The following CACNA2D2 variants were observed in gnomAD, a reference collection of about 807,000 sequenced individuals.
The protein encoded by CACNA2D2 is voltage-dependent calcium channel subunit alpha-2/delta-2.
CACNA2D2 carries 48 observed loss-of-function variants against 166.4 expected under a neutral mutation model. The ratio of observed to expected loss-of-function variants is 0.29; its 90% CI spans 0.23 to 0.37. CACNA2D2 has a LOEUF of 0.37. Ranked by LOEUF, CACNA2D2 falls within the 10% of genes least tolerant of loss-of-function variation. The pLI, the probability that CACNA2D2 is intolerant of heterozygous loss-of-function variation, is 1.00. For missense variants in CACNA2D2, 1,122 were observed against 1,433.0 expected (o/e 0.78, Z 3.50); for synonymous variants, 561 against 573.7 (o/e 0.98, Z 0.32).
At chr3:50,408,450 G>A (rs1370552017) in intron 3 of CACNA2D2, among the ~76,000 whole-genome samples, 1 of 152,186 alleles carries the variant, frequency 6.6e-6, no homozygotes, top group African/African-American at 2.4e-5. Context: ...CCCAGGCAGA[G>A]GTGACAGGCA....
chr3:50,503,035 C>T (rs1488817092), intron 1 of CACNA2D2, among the ~76,000 whole-genome samples, 183 bp downstream of exon 1: 1 of 152,170 alleles, frequency 6.6e-6, no homozygotes, highest in Non-Finnish European at 1.5e-5. Context: ...CGCGACGCAG[C>T]CAGAGCGCCG....
At chr3:50,385,413 G>A (rs1705546230) in intron 5 of CACNA2D2, among the ~76,000 whole-genome samples, 1 of 152,016 alleles carries the variant, frequency 6.6e-6, no homozygotes, top group African/African-American at 2.4e-5. Context: ...TCCCCCATGG[G>A]TCCACGTGGG....
intron 3 of CACNA2D2, among the ~76,000 whole-genome samples, chr3:50,412,986 T>C (rs756173030): frequency 6.6e-6 from 1 of 151,908 alleles, no homozygotes; most frequent in Non-Finnish European, 1.5e-5. Context: ...AGAGGCCGAG[T>C]CTCCATCTTC....
chr3:50,368,168 T>C lies in CACNA2D2; in HGVS notation c.2113A>G (p.Met705Val). 2 of 1,613,100 alleles carry C rather than the reference T, an allele frequency of 1.2e-6. No homozygotes were observed. Among genetic ancestry groups the C allele is most frequent in the South Asian group, 1.1e-5 (1 of 91,066 alleles). ...TEFLKNFIEL[M>V]EKVTPDSKQC... The stretch of plus-strand genomic sequence containing the variant: ...TTGGAGTCTGGAGTCACTTTCTCCA[T>C]GAGCTCAATAAAGTTTTTCAGGAAC... Residue 705 changes from methionine (M) to valine (V), a missense_variant, in exon 24 of 38, where the codon ATG (methionine) becomes GTG (valine). By Grantham distance (21) the Met-to-Val change is conservative. This residue lies in a region of CACNA2D2 where 840 missense variants were observed against 1,166.8 expected (regional missense o/e 0.72). Coordinates refer to ENST00000424201, the MANE Select transcript of CACNA2D2 (RefSeq NM_006030.4).
chr3:50,405,516 CCCTCAT>C (rs1236887440), intron 3 of CACNA2D2, among the ~76,000 whole-genome samples: 1 of 152,186 alleles, frequency 6.6e-6, no homozygotes, highest in Non-Finnish European at 1.5e-5. Context: ...TGCCCAGGCC[CCCTCAT>C]TCCTCGGTGG....
intron 1 of CACNA2D2, among the ~76,000 whole-genome samples, chr3:50,500,198 G>A (rs1354896046): frequency 6.6e-6 from 1 of 152,228 alleles, no homozygotes; most frequent in African/African-American, 2.4e-5. Flanking sequence ...CACGTACTCT[G>A]GTTGTCATTA....
chr3:50,422,996 C>T (rs886454240), intron 3 of CACNA2D2, among the ~76,000 whole-genome samples: 3 of 152,208 alleles, frequency 2.0e-5, no homozygotes, highest in Non-Finnish European at 4.4e-5. Flanking sequence ...CCCCCCAGAC[C>T]CAGGGTAAGC....
intron 3 of CACNA2D2, among the ~76,000 whole-genome samples, chr3:50,425,541 A>G (rs1575667286): frequency 6.6e-6 from 1 of 151,944 alleles, no homozygotes; most frequent in African/African-American, 2.4e-5. Flanking sequence ...CCTCACATGC[A>G]CCTACCCTCC....
chr3:50,377,172 G>A (rs753676965), intron 17 of CACNA2D2, among the ~76,000 whole-genome samples: 1 of 152,224 alleles, frequency 6.6e-6, no homozygotes, highest in South Asian at 2.1e-4. Flanking sequence ...ACATAGCCAT[G>A]CCCATTGTTT....
At chr3:50,447,460 C>A (rs1300661889) in intron 2 of CACNA2D2, among the ~76,000 whole-genome samples, 1 of 152,130 alleles carries the variant, frequency 6.6e-6, no homozygotes, top group African/African-American at 2.4e-5. Context: ...GGCAATGACG[C>A]CAGGAGGACA....
intron 4 of CACNA2D2, among the ~76,000 whole-genome samples, chr3:50,388,992 G>A (rs771727823): frequency 2.6e-5 from 4 of 152,232 alleles, no homozygotes; most frequent in Non-Finnish European, 5.9e-5. Flanking sequence ...CGTGTCTGGC[G>A]CTTTCTTACA....
chr3:50,411,442 C>T (rs1325890497), intron 3 of CACNA2D2, among the ~76,000 whole-genome samples: 3 of 152,198 alleles, frequency 2.0e-5, no homozygotes, highest in Non-Finnish European at 2.9e-5. Context: ...TGTCTCCATG[C>T]TCACTCTCCC....
intron 2 of CACNA2D2, among the ~76,000 whole-genome samples, chr3:50,451,256 C>G (rs9832993): frequency 0.13 from 19,640 of 151,972 alleles, 3,844 homozygotes; most frequent in African/African-American, 0.42. Flanking sequence ...CTCCCGAGTA[C>G]CTGGGATTAC....
intron 2 of CACNA2D2, among the ~76,000 whole-genome samples, chr3:50,463,305 C>CTT (rs1385188648): frequency 1.3e-4 from 19 of 145,862 alleles, no homozygotes; most frequent in Non-Finnish European, 2.3e-4. Context: ...CCAAATTTCT[C>CTT]TTTTTTTTTT....
intron 2 of CACNA2D2, among the ~76,000 whole-genome samples, chr3:50,471,263 A>C (rs1710083690): frequency 6.7e-6 from 1 of 148,274 alleles, no homozygotes; most frequent in South Asian, 2.1e-4. Context: ...CCCTCACCTG[A>C]CTCTCGGTGC....
chr3:50,453,907 G>T, intron 2 of CACNA2D2, among the ~76,000 whole-genome samples: 1 of 152,108 alleles, frequency 6.6e-6, no homozygotes, highest in Non-Finnish European at 1.5e-5. Context: ...AGGGAGGTGT[G>T]ATCTGTGTGA....
At chr3:50,448,353 T>C (rs1708948935) in intron 2 of CACNA2D2, among the ~76,000 whole-genome samples, 1 of 152,200 alleles carries the variant, frequency 6.6e-6, no homozygotes, top group Non-Finnish European at 1.5e-5. Flanking sequence ...GTTCCTAAAC[T>C]GCAAATTTAT....
At chr3:50,471,185 G>A (rs1710080475) in intron 2 of CACNA2D2, among the ~76,000 whole-genome samples, 1 of 152,032 alleles carries the variant, frequency 6.6e-6, no homozygotes, top group Non-Finnish European at 1.5e-5. Context: ...ATGAGCAAGT[G>A]CAGAGCCTGG....
chr3:50,396,459 T>C (rs926619774), intron 3 of CACNA2D2, among the ~76,000 whole-genome samples: 1 of 152,164 alleles, frequency 6.6e-6, no homozygotes, highest in African/African-American at 2.4e-5. Context: ...CCAGGTCCTG[T>C]AGGGCCCACC....
Sources: gnomAD v4.1 joint callset for allele counts (sites outside exome capture counted in the v4.1 genomes callset) on GRCh38, gnomAD v4.1.1 for gene constraint, gnomAD v4.1.1 regional missense constraint, MANE v1.5 for transcripts, NCBI Gene and HGNC (gene_info 2026-07-23, HGNC 2026-07-21) for gene names.